DCC: variants seen among roughly 807,000 people sequenced by gnomAD.
The protein encoded by DCC is netrin receptor DCC.
A neutral mutation model predicts 172.5 loss-of-function variants in DCC; 58 were observed. That is an observed-to-expected ratio of 0.34 (90% CI 0.27 to 0.42). The LOEUF is 0.42. Ranked by LOEUF, DCC falls within the 10% of genes least tolerant of loss-of-function variation. DCC has a pLI of 1.00. For missense variants in DCC, 1,740 were observed against 1,791.0 expected (o/e 0.97, Z 0.51); for synonymous variants, 709 against 644.5 (o/e 1.10, Z -1.52).
chr18:53,121,814 A>G (rs1387992449), intron 7 of DCC, among the ~76,000 whole-genome samples: 1 of 151,942 alleles, frequency 6.6e-6, no homozygotes, highest in Non-Finnish European at 1.5e-5. Flanking sequence ...AAGTTAAGTA[A>G]CTTCCCTTGA....
intron 18 of DCC, among the ~76,000 whole-genome samples, chr18:53,399,596 A>C (rs1304681421): frequency 1.3e-5 from 2 of 152,120 alleles, no homozygotes; most frequent in East Asian, 3.8e-4. Context: ...AGTATAGGAA[A>C]AAATGAGAGC....
chr18:53,481,317 G>A (rs1231114853), intron 25 of DCC, among the ~76,000 whole-genome samples: 3 of 152,106 alleles, frequency 2.0e-5, no homozygotes, highest in Admixed American at 1.3e-4. Flanking sequence ...ACTAGGTAAC[G>A]AATCCAGGCA....
chr18:52,341,553 C>T (rs1011096391), intron 1 of DCC, among the ~76,000 whole-genome samples: 2 of 152,166 alleles, frequency 1.3e-5, no homozygotes, highest in African/African-American at 4.8e-5. Flanking sequence ...AGGACACCTC[C>T]AAACTCCAAG....
intron 3 of DCC, among the ~76,000 whole-genome samples, chr18:52,909,650 C>A (rs1461908834): frequency 1.3e-5 from 2 of 152,154 alleles, no homozygotes; most frequent in Non-Finnish European, 2.9e-5. Context: ...CAGAGTTTAA[C>A]AAACAGTGGT....
At chr18:52,949,231 T>G (rs116285278) in intron 5 of DCC, among the ~76,000 whole-genome samples, 1,860 of 152,348 alleles carry the variant, frequency 0.012, 40 homozygotes, top group African/African-American at 0.042. Context: ...AGGCTGAGAC[T>G]GCTGTAACAA....
intron 12 of DCC, among the ~76,000 whole-genome samples, chr18:53,223,511 A>T (rs1445566331): frequency 6.6e-6 from 1 of 152,104 alleles, no homozygotes; most frequent in African/African-American, 2.4e-5. Context: ...ACATTTTTGA[A>T]AAGTGGGAGG....
rs1030609611 is a variant in DCC at position 53,179,089 on chromosome 18, C to G, written c.1546C>G (p.Pro516Ala). The change falls in exon 9 of 29, where the codon CCC becomes GCC. Residue 516 changes from proline to alanine, a missense_variant. This residue lies in a region of DCC where 1,732 missense variants were observed against 1,767.4 expected (regional missense o/e 0.98). Transcript: ENST00000442544. ...NEWGPGESSQ[P>A]IKVATQPELQ... The stretch of plus-strand genomic sequence containing the variant: ...ATGGGGACCGGGAGAGAGTTCTCAA[C>G]CCATCAAGGTGGCCACACAGCCTGA... 2 of 1,613,774 alleles carry G rather than the reference C, an allele frequency of 1.2e-6. No individual in the cohort carries two copies. Among genetic ancestry groups the G allele is most frequent in the Admixed American group, 1.7e-5 (1 of 59,958 alleles).
chr18:52,964,444 T>A lies in DCC; in HGVS notation c.985+39074T>A, dbSNP rs545762863. Among the ~76,000 whole-genome samples, 243 of 152,246 alleles carry A rather than the reference T, an allele frequency of 1.6e-3. 1 individual carries two copies. Among genetic ancestry groups the A allele is most frequent in the African/African-American group, 5.7e-3 (238 of 41,570 alleles). On this transcript the variant is annotated intron_variant, in intron 5 of 28. Transcript: ENST00000442544. ...ATCCATGAGGGAGCCTGAGAGAAAC[T>A]TTGTGATTGTGGCTTTTTTAATCTC... is the stretch of plus-strand genomic sequence containing the variant.
At chr18:53,229,034 C>T (rs1299457882) in intron 12 of DCC, among the ~76,000 whole-genome samples, 2 of 152,070 alleles carry the variant, frequency 1.3e-5, no homozygotes, top group African/African-American at 4.8e-5. Flanking sequence ...TGGTTCCAGA[C>T]CACTGTTGCT....
intron 2 of DCC, among the ~76,000 whole-genome samples, chr18:52,767,294 C>T (rs570307450): frequency 6.6e-6 from 1 of 152,180 alleles, no homozygotes; most frequent in African/African-American, 2.4e-5. Context: ...TCTTTAACCT[C>T]ACTTAGCAAA....
chr18:52,909,681 C>T (rs1276452162), intron 3 of DCC, among the ~76,000 whole-genome samples: 6 of 152,090 alleles, frequency 3.9e-5, no homozygotes, highest in Non-Finnish European at 1.5e-5. Flanking sequence ...TGTCTTTCAG[C>T]GACCAGTTTC....
chr18:52,557,821 G>A (rs962725814), intron 1 of DCC, among the ~76,000 whole-genome samples: 2 of 152,058 alleles, frequency 1.3e-5, no homozygotes, highest in Admixed American at 6.6e-5. Flanking sequence ...CACCATGCCT[G>A]GCTAATTTTG....
chr18:52,746,823 C>T (rs527515475), intron 1 of DCC, among the ~76,000 whole-genome samples: 138 of 151,748 alleles, frequency 9.1e-4, no homozygotes, highest in Middle Eastern at 3.4e-3. Flanking sequence ...TAGGTCATTC[C>T]TCAAGGGTAG....
chr18:53,162,527 G>C (rs905386270), intron 8 of DCC, among the ~76,000 whole-genome samples: 1 of 152,080 alleles, frequency 6.6e-6, no homozygotes, highest in African/African-American at 2.4e-5. Flanking sequence ...AGAATTAACA[G>C]AACTCCTTGC....
At chr18:53,497,684 C>A (rs1313816007) in intron 26 of DCC, among the ~76,000 whole-genome samples, 1 of 152,218 alleles carries the variant, frequency 6.6e-6, no homozygotes, top group African/African-American at 2.4e-5. Flanking sequence ...CCTTTACAGT[C>A]TTAAAAGAAA....
intron 12 of DCC, among the ~76,000 whole-genome samples, 196 bp downstream of exon 12, chr18:53,215,793 C>T (rs976230359): frequency 1.3e-5 from 2 of 152,146 alleles, no homozygotes; most frequent in South Asian, 4.1e-4. Flanking sequence ...AAATATTTGT[C>T]TACTTCTAAA....
At chr18:52,527,059 A>G (rs960462825) in intron 1 of DCC, among the ~76,000 whole-genome samples, 1 of 152,336 alleles carries the variant, frequency 6.6e-6, no homozygotes, top group South Asian at 2.1e-4. Context: ...CACAGGGATG[A>G]CATTATTCTT....
At chr18:52,572,110 A>G (rs1029371278) in intron 1 of DCC, among the ~76,000 whole-genome samples, 5 of 152,238 alleles carry the variant, frequency 3.3e-5, no homozygotes, top group Non-Finnish European at 7.3e-5. Context: ...TGGAACATCC[A>G]AAGTCATATT....
At chr18:52,862,748 CACTT>C (rs563354807) in intron 2 of DCC, among the ~76,000 whole-genome samples, 615 of 152,084 alleles carry the variant, frequency 4.0e-3, no homozygotes, top group African/African-American at 0.012. Flanking sequence ...AAATCAAAAA[CACTT>C]ACTCTTTTAC....
Sources: allele counts gnomAD v4.1 joint callset (sites outside exome capture counted in the v4.1 genomes callset), GRCh38; gene constraint gnomAD v4.1.1; regional missense constraint gnomAD v4.1.1; transcripts MANE v1.5; gene names NCBI Gene and HGNC (gene_info 2026-07-23, HGNC 2026-07-21).